WHRN: variants seen among roughly 807,000 people sequenced by gnomAD.
WHRN encodes the protein whirlin, also known as CASK-interacting protein CIP98.
In WHRN, 41 loss-of-function variants were observed where a neutral mutation model predicts 68.3. The observed-to-expected ratio is 0.60, with a 90% confidence interval of 0.47 to 0.78. WHRN has a LOEUF of 0.78. Among genes scored for constraint, WHRN ranks in the 30% least tolerant of loss-of-function variants. The probability of loss-of-function intolerance (pLI) is 0.00; values close to 1 mark genes in which losing one functional copy is unlikely to be tolerated. For synonymous variants in WHRN, 560 were observed against 561.3 expected, an observed-to-expected ratio of 1.00 and a Z score of 0.03; for missense variants, 1,243 against 1,244.7, an observed-to-expected ratio of 1.00 and a Z score of 0.02.
chr9:114,425,139 G>A (rs753207861), intron 4 of WHRN, 115 bp from the exon 5 acceptor site: 18 of 1,078,236 alleles, frequency 1.7e-5, no homozygotes, highest in Non-Finnish European at 2.3e-5. Context: ...ACCATGCATC[G>A]TGGCCTCCAC....
At chr9:114,451,702 A>G (rs1450904197) in intron 3 of WHRN, among the ~76,000 whole-genome samples, 1 of 151,968 alleles carries the variant, frequency 6.6e-6, no homozygotes, top group Non-Finnish European at 1.5e-5. Context: ...CACTTCACAA[A>G]GAGAGGACCC....
chr9:114,470,300 G>A (rs533844051), intron 2 of WHRN, among the ~76,000 whole-genome samples: 1 of 152,302 alleles, frequency 6.6e-6, no homozygotes, highest in African/African-American at 2.4e-5. Flanking sequence ...AGGGACAGAA[G>A]AGGGAAGATG....
At chr9:114,403,031 C>A in intron 11 of WHRN, 95 bp from the exon 12 acceptor site, 1 of 1,534,244 alleles carries the variant, frequency 6.5e-7, no homozygotes, top group Non-Finnish European at 8.9e-7. Flanking sequence ...GCCAAGCAGG[C>A]AGCTACAATC....
Position 114,486,939 on chromosome 9 carries a change from T to TAGA in WHRN, c.619-8169_619-8168insTCT, listed in dbSNP as rs1204731535. ...TGTGTGTGTGTAGAGTGTGTGTGTGTGTTGTGTGTGTGTGTGTGTGTATAT... is the reference window on the plus strand; with the variant it reads ...TGTGTGTGTGTAGAGTGTGTGTGTGTAGAGTTGTGTGTGTGTGTGTGTGTATAT... On this transcript the variant is annotated intron_variant, in intron 1 of 11. Coordinates refer to ENST00000362057, the MANE Select transcript of WHRN (RefSeq NM_015404.4). Among the ~76,000 whole-genome samples, 11 of 19,406 alleles carry TAGA rather than the reference T, an allele frequency of 5.7e-4. 1 individual carries two copies. Among genetic ancestry groups the TAGA allele is most frequent in the East Asian group, 3.4e-3 (1 of 292 alleles). 12.7% of individuals were successfully genotyped at this position (19,406 alleles called of 152,430 possible). A position where few individuals can be genotyped will look rare whatever the true frequency, so the allele number is the denominator to read the frequency against.
At chr9:114,486,959 GTATATATATATATA>G (rs869241280) in intron 1 of WHRN, among the ~76,000 whole-genome samples, 19 of 5,030 alleles carry the variant, frequency 3.8e-3, no homozygotes, top group African/African-American at 4.6e-3. Flanking sequence ...GTGTGTGTGT[GTATATATATATATA>G]TATATATATA....
intron 3 of WHRN, among the ~76,000 whole-genome samples, chr9:114,429,682 T>C (rs899065430): frequency 6.6e-6 from 1 of 152,188 alleles, no homozygotes; most frequent in African/African-American, 2.4e-5. Flanking sequence ...GGCTTGGTAC[T>C]CAGCAAGCAC....
rs543663987 is a variant in WHRN at position 114,472,525 on chromosome 9, G to A, written c.837+6028C>T. 4.6e-5 allele frequency among the ~76,000 whole-genome samples: 7 copies of A among 152,074 alleles called. No individual in the cohort carries two copies. The South Asian group carries it at 6.2e-4, about 14-fold the overall frequency. On this transcript the variant is annotated intron_variant, in intron 2 of 11. Transcript: ENST00000362057. The stretch of plus-strand genomic sequence containing the variant: ...TGCCCCTTCTCTAACACTGCCCCAC[G>A]CACACACCACCCTCCCATGCCCTTT...
rs1394705313 is a variant in WHRN, at chr9:114,504,429, G to A, written c.373C>T (p.Pro125Ser). 6.2e-7 allele frequency: 1 copy of A among 1,606,672 alleles called. No homozygotes were observed. Among genetic ancestry groups the A allele is most frequent in the Non-Finnish European group, 8.5e-7 (1 of 1,179,508 alleles). ...YLPATTPYRQ[P>S]AWGGPDSAGP... ...GCGCTGTCGGGGCCGCCCCAGGCGG[G>A]CTGCCTGTAGGGGGTGGTGGCGGGC... The change falls in exon 1 of 12, where the codon CCC (proline) becomes TCC (serine). Residue 125 changes from proline (P) to serine (S), a missense_variant. Coordinates refer to ENST00000362057, the MANE Select transcript of WHRN (RefSeq NM_015404.4).
At chr9:114,449,998 A>G (rs1047997310) in intron 3 of WHRN, among the ~76,000 whole-genome samples, 6 of 152,100 alleles carry the variant, frequency 3.9e-5, no homozygotes, top group Non-Finnish European at 8.8e-5. Flanking sequence ...CTGCTCCTCT[A>G]TAGTCTCTAC....
Position 114,504,832 on chromosome 9 carries a change from C to T in WHRN, c.-31G>A, listed in dbSNP as rs906303700. On this transcript the variant is annotated 5_prime_UTR_variant, in exon 1 of 12. Coordinates refer to ENST00000362057, the MANE Select transcript of WHRN (RefSeq NM_015404.4). ...CGCCGAGGCCCGGCCGGGCTCTGAG[C>T]GCGCGGGGTGTGGGCGGTGCCGCTG... is the stretch of plus-strand genomic sequence containing the variant. 1.4e-6 allele frequency: 2 copies of T among 1,379,960 alleles called. No individual in the cohort carries two copies. Among genetic ancestry groups the T allele is most frequent in the African/African-American group, 3.1e-5 (2 of 65,162 alleles). 85.5% of individuals were successfully genotyped at this position (1,379,960 alleles called of 1,614,324 possible). A position where few individuals can be genotyped will look rare whatever the true frequency, so the allele number is the denominator to read the frequency against.
In WHRN at chr9:114,486,897, TGTGTGTGTAGA is replaced by T. The variant is rs1357935142; in HGVS notation, c.619-8137_619-8127del. ...TGATGATTAAATTAGTGTGTGTGTG[TGTGTGTGTAGA>T]GTGTGTGTGTGTGTGTAGAGTGTGT... On this transcript the variant is annotated intron_variant, in intron 1 of 11. Coordinates refer to ENST00000362057, the MANE Select transcript of WHRN (RefSeq NM_015404.4). Among the ~76,000 whole-genome samples, 465 of 114,290 alleles carry T rather than the reference TGTGTGTGTAGA, an allele frequency of 4.1e-3. 16 individuals carry two copies. The highest frequency in any genetic ancestry group is 0.012 in the South Asian group (40 of 3,362). The allele number at this position is 114,290 out of a possible 152,430, so 75.0% of individuals were successfully genotyped here.
chr9:114,491,259 GATGGGCTTCC>G (rs1471306656), intron 1 of WHRN, among the ~76,000 whole-genome samples: 1 of 152,186 alleles, frequency 6.6e-6, no homozygotes, highest in East Asian at 1.9e-4. Context: ...TTGAAAAGGT[GATGGGCTTCC>G]AATTTAATTC....
At chr9:114,426,522 T>G (rs1429668990) in intron 3 of WHRN, 109 bp from the exon 4 acceptor site, 2 of 1,275,774 alleles carry the variant, frequency 1.6e-6, no homozygotes, top group Non-Finnish European at 2.3e-6. Flanking sequence ...GTCAAGGAGG[T>G]CATCCAGGAT....
At chr9:114,430,926 G>A (rs7046973) in intron 3 of WHRN, among the ~76,000 whole-genome samples, 79,318 of 152,002 alleles carry the variant, frequency 0.52, 23,121 homozygotes, top group Middle Eastern at 0.67. Context: ...ATGTGAGTTG[G>A]TTTTGAGTGG....
At chr9:114,461,140 G>C (rs1840213502) in intron 3 of WHRN, among the ~76,000 whole-genome samples, 1 of 152,242 alleles carries the variant, frequency 6.6e-6, no homozygotes, top group Non-Finnish European at 1.5e-5. Flanking sequence ...GCAAACTAAA[G>C]TGAGTGGACA....
At chr9:114,445,434 C>A (rs1166698366) in intron 3 of WHRN, among the ~76,000 whole-genome samples, 1 of 152,196 alleles carries the variant, frequency 6.6e-6, no homozygotes, top group African/African-American at 2.4e-5. Flanking sequence ...ATAGGAGTTG[C>A]CTCCAAGTGA....
At chr9:114,467,757 C>G (rs141735385) in intron 2 of WHRN, among the ~76,000 whole-genome samples, 152 of 152,160 alleles carry the variant, frequency 1.0e-3, no homozygotes, top group Non-Finnish European at 1.9e-3. Context: ...AAGAGGGATT[C>G]ATGGAAAAGA....
At chr9:114,468,939 G>A (rs1001332402) in intron 2 of WHRN, among the ~76,000 whole-genome samples, 1 of 152,198 alleles carries the variant, frequency 6.6e-6, no homozygotes, top group African/African-American at 2.4e-5. Flanking sequence ...ACCACATGGT[G>A]GTTAATGCAT....
intron 1 of WHRN, among the ~76,000 whole-genome samples, chr9:114,496,302 C>T (rs1024337044): frequency 2.6e-5 from 4 of 152,092 alleles, no homozygotes; most frequent in Admixed American, 1.3e-4. Flanking sequence ...TCAGAAGGGA[C>T]GGTGGGGGGA....
Sources: gnomAD v4.1 joint callset for allele counts (sites outside exome capture counted in the v4.1 genomes callset) on GRCh38, gnomAD v4.1.1 for gene constraint, MANE v1.5 for transcripts, NCBI Gene and HGNC (gene_info 2026-07-23, HGNC 2026-07-21) for gene names.